Variants in ITGB3BP observed in about 807,000 individuals in gnomAD.
The protein encoded by ITGB3BP is centromere protein R.
In ITGB3BP, 27 loss-of-function variants were observed where a neutral mutation model predicts 29.1. The ratio of observed to expected loss-of-function variants is 0.93; its 90% CI spans 0.68 to 1.28. ITGB3BP has a LOEUF of 1.28. Ranked by LOEUF, ITGB3BP falls within the 50% of genes most tolerant of loss-of-function variation. The probability of loss-of-function intolerance (pLI) is 0.00; values close to 1 mark genes in which losing one functional copy is unlikely to be tolerated. For synonymous variants in ITGB3BP, 61 were observed against 61.4 expected (o/e 0.99, Z 0.03); for missense variants, 192 against 200.2 (o/e 0.96, Z 0.25).
At chr1:63,480,855 C>T (rs1645426390) in intron 3 of ITGB3BP, among the ~76,000 whole-genome samples, 1 of 151,672 alleles carries the variant, frequency 6.6e-6, no homozygotes, top group Non-Finnish European at 1.5e-5. Context: ...AAAAGAATAA[C>T]AATATATTAT....
chr1:63,474,916 A>AAAAAC (rs1645305644), intron 4 of ITGB3BP, among the ~76,000 whole-genome samples: 1 of 16,014 alleles, frequency 6.2e-5, no homozygotes, highest in African/African-American at 6.9e-5. Flanking sequence ...TAAATAAAAT[A>AAAAAC]AAAACAAAAC....
At chr1:63,518,115 T>A (rs1310706234) in intron 1 of ITGB3BP, among the ~76,000 whole-genome samples, 1 of 152,200 alleles carries the variant, frequency 6.6e-6, no homozygotes, top group Non-Finnish European at 1.5e-5. Context: ...TTTTTCCTAA[T>A]CTTAAAAAAG....
At chr1:63,517,590 A>G (rs186671380) in intron 1 of ITGB3BP, among the ~76,000 whole-genome samples, 13 of 152,270 alleles carry the variant, frequency 8.5e-5, no homozygotes, top group Admixed American at 7.2e-4. Flanking sequence ...ATATAGAAAT[A>G]TATTGATCTT....
intron 2 of ITGB3BP, among the ~76,000 whole-genome samples, chr1:63,501,878 T>C (rs1570284228): frequency 6.8e-6 from 1 of 146,350 alleles, no homozygotes; most frequent in African/African-American, 2.5e-5. Context: ...AAAAAAAAAG[T>C]GTCTTACTAA....
At chr1:63,452,129 T>C (rs1644868354) in intron 7 of ITGB3BP, 1 of 152,136 alleles carries the variant, frequency 6.6e-6, no homozygotes, top group African/African-American at 2.4e-5. Flanking sequence ...TTATGTATTT[T>C]AGATGTCCAT....
In ITGB3BP at chr1:63,440,930, G is replaced by A. The variant is rs1644721593; in HGVS notation, c.*175C>T. ...ATTTACATTGAGATTATCTACTGGT[G>A]CGTGTAGAAAGTTTAAATTAGCTGC... On this transcript the variant is annotated 3_prime_UTR_variant, in exon 9 of 9. Transcript: ENST00000271002. The A allele has an allele frequency of 6.6e-6, 1 of 152,602 alleles. No individual in the cohort carries two copies. Among genetic ancestry groups the A allele is most frequent in the South Asian group, 2.1e-4 (1 of 4,830 alleles). The allele number at this position is 152,602 out of a possible 1,614,324, so 9.5% of individuals were successfully genotyped here.
rs1363807428 is a variant in ITGB3BP at position 63,473,490 on chromosome 1, G to A, written c.254+5274C>T. Among the ~76,000 whole-genome samples, 13 of 137,894 alleles carry A rather than the reference G, an allele frequency of 9.4e-5. No individual in the cohort carries two copies. In the East Asian group the frequency reaches 1.9e-3, roughly 20 times the overall value. 90.5% of individuals were successfully genotyped at this position (137,894 alleles called of 152,430 possible). A position where few individuals can be genotyped will look rare whatever the true frequency, so the allele number is the denominator to read the frequency against. On this transcript the variant is annotated intron_variant, in intron 4 of 8. Transcript: ENST00000271002. The stretch of plus-strand genomic sequence containing the variant: ...AGGGAGGTGGGGGGGTCAGCCCCCC[G>A]CCCGGCCAGCCGCCCAGTCCGGGAG...
At chr1:63,457,434 A>T (rs1218684967) in intron 4 of ITGB3BP, 1 of 152,106 alleles carries the variant, frequency 6.6e-6, no homozygotes, top group Admixed American at 6.6e-5. Flanking sequence ...GCATGGTTCA[A>T]ATTTCACTTT....
chr1:63,480,765 C>G (rs1482123021), intron 3 of ITGB3BP, among the ~76,000 whole-genome samples: 2 of 151,946 alleles, frequency 1.3e-5, no homozygotes, highest in African/African-American at 4.8e-5. Flanking sequence ...TGAACTATGC[C>G]TTATTTGACA....
intron 2 of ITGB3BP, among the ~76,000 whole-genome samples, chr1:63,504,439 C>A (rs1012204994): frequency 6.6e-6 from 1 of 151,928 alleles, no homozygotes; most frequent in African/African-American, 2.4e-5. Flanking sequence ...TCTAGATATA[C>A]AATCATGTCA....
intron 4 of ITGB3BP, among the ~76,000 whole-genome samples, chr1:63,465,705 G>A (rs991493067): frequency 6.6e-6 from 1 of 151,954 alleles, no homozygotes; most frequent in Middle Eastern, 3.2e-3. Flanking sequence ...GGGAAATTTT[G>A]TTTGCAGTTC....
chr1:63,517,445 C>A (rs942229725), intron 1 of ITGB3BP, among the ~76,000 whole-genome samples: 4 of 151,686 alleles, frequency 2.6e-5, no homozygotes, highest in African/African-American at 9.7e-5. Context: ...TTATCTTCAT[C>A]TTTAATTTCT....
chr1:63,474,276 G>GA lies in ITGB3BP; in HGVS notation c.254+4487_254+4488insT, dbSNP rs1645285766. Among the ~76,000 whole-genome samples, 7 of 145,042 alleles carry GA rather than the reference G, an allele frequency of 4.8e-5. No individual in the cohort carries two copies. In the East Asian group the frequency reaches 1.6e-3, roughly 32 times the overall value. On this transcript the variant is annotated intron_variant, in intron 4 of 8. Transcript: ENST00000271002. ...CGCCCCGTCCGGGAGGGTGGTGGGG[G>GA]GGTCAGCCCCCCGCCCGGCCAGCCG...
At chr1:63,520,406 C>T (rs1570345394) in intron 1 of ITGB3BP, among the ~76,000 whole-genome samples, 1 of 152,100 alleles carries the variant, frequency 6.6e-6, no homozygotes, top group East Asian at 1.9e-4. Context: ...AATGACTGTG[C>T]CACTAATTTC....
chr1:63,515,825 T>TAAAAAAAAAAA (rs76881362), intron 1 of ITGB3BP, among the ~76,000 whole-genome samples: 6 of 48,596 alleles, frequency 1.2e-4, no homozygotes, highest in African/African-American at 5.1e-4. Context: ...GACTCCAACT[T>TAAAAAAAAAAA]AAAAAAAAAA....
At chr1:63,482,615 T>C (rs1645458161) in intron 3 of ITGB3BP, among the ~76,000 whole-genome samples, 1 of 151,824 alleles carries the variant, frequency 6.6e-6, no homozygotes, top group Non-Finnish European at 1.5e-5. Flanking sequence ...AATAACCTCT[T>C]TGGAGGATCA....
intron 1 of ITGB3BP, among the ~76,000 whole-genome samples, chr1:63,514,569 G>GT (rs1415212041): frequency 1.3e-5 from 2 of 152,138 alleles, no homozygotes; most frequent in African/African-American, 4.8e-5. Context: ...CTGTTGATTA[G>GT]TAAGAGTTCT....
intron 4 of ITGB3BP, among the ~76,000 whole-genome samples, chr1:63,469,335 T>A (rs183378207): frequency 0.017 from 2,619 of 151,798 alleles, 18 homozygotes; most frequent in African/African-American, 0.025. Context: ...TATTATTTTT[T>A]TTTTTTTTGA....
At chr1:63,453,893 A>G in intron 7 of ITGB3BP, 25 bp downstream of exon 7, 1 of 1,410,340 alleles carries the variant, frequency 7.1e-7, no homozygotes, top group Non-Finnish European at 1.0e-6. Context: ...ATCTTTATGT[A>G]ATAAACTAAA....
Sources: allele counts gnomAD v4.1 joint callset (sites outside exome capture counted in the v4.1 genomes callset), GRCh38; gene constraint gnomAD v4.1.1; transcripts MANE v1.5; gene names NCBI Gene and HGNC (gene_info 2026-07-23, HGNC 2026-07-21).